Variants in RORA observed in about 807,000 individuals in gnomAD.
RORA encodes the protein RAR related orphan receptor A.
A neutral mutation model predicts 69.5 loss-of-function variants in RORA; 7 were observed. The observed-to-expected ratio is 0.10, with a 90% CI of 0.06 to 0.19. The LOEUF (loss-of-function observed/expected upper bound fraction) is 0.19. Ranked by LOEUF, RORA falls within the 10% of genes least tolerant of loss-of-function variation. The probability of loss-of-function intolerance (pLI) is 1.00; values close to 1 mark genes in which losing one functional copy is unlikely to be tolerated. For synonymous variants in RORA, 261 were observed against 240.8 expected (o/e 1.08, Z -0.78); for missense variants, 457 against 663.0 (o/e 0.69, Z 3.41).
intron 1 of RORA, among the ~76,000 whole-genome samples, chr15:60,972,725 T>C (rs752588026): frequency 3.3e-5 from 5 of 152,286 alleles, no homozygotes; most frequent in Non-Finnish European, 7.4e-5. Context: ...CTCAGTTTCA[T>C]CATCTATCAA....
intron 1 of RORA, among the ~76,000 whole-genome samples, chr15:61,082,843 T>C (rs948437896): frequency 1.4e-4 from 22 of 152,204 alleles, no homozygotes; most frequent in Admixed American, 3.9e-4. Flanking sequence ...ATACGAATAA[T>C]TGATTTGATC....
chr15:60,770,602 G>A (rs958342185), intron 1 of RORA, among the ~76,000 whole-genome samples: 5 of 152,214 alleles, frequency 3.3e-5, no homozygotes, highest in Middle Eastern at 3.4e-3. Context: ...GTGAGGTTTC[G>A]TGCTCCTTTA....
chr15:61,150,298 A>G (rs554031687), intron 1 of RORA, among the ~76,000 whole-genome samples: 2 of 152,358 alleles, frequency 1.3e-5, no homozygotes, highest in Admixed American at 1.3e-4. Context: ...GGGCTTATAA[A>G]GCTCTACATC....
rs1567051416 is a variant in RORA, at chr15:60,516,023, ATATATTTATATATATT to A, written c.283-1282_283-1267del. 1.3e-3 allele frequency among the ~76,000 whole-genome samples: 15 copies of A among 11,546 alleles called. 1 individual carries two copies. The highest frequency in any genetic ancestry group is 2.3e-3 in the Admixed American group (1 of 428). 7.6% of individuals were successfully genotyped at this position (11,546 alleles called of 152,430 possible). A position where few individuals can be genotyped will look rare whatever the true frequency, so the allele number is the denominator to read the frequency against. On this transcript the variant is annotated intron_variant, in intron 3 of 10. Transcript: ENST00000335670. ...TATTTATATATATTTATATATATTT[ATATATTTATATATATT>A]TATATATTTATATATATTTATATAT...
intron 1 of RORA, among the ~76,000 whole-genome samples, chr15:61,058,493 G>C (rs901299933): frequency 3.3e-5 from 5 of 152,170 alleles, no homozygotes; most frequent in Non-Finnish European, 7.3e-5. Flanking sequence ...CCAAGTAGGA[G>C]GTATTAAGGC....
At chr15:60,604,003 T>A (rs1251094541) in intron 2 of RORA, among the ~76,000 whole-genome samples, 1 of 151,728 alleles carries the variant, frequency 6.6e-6, no homozygotes, top group Non-Finnish European at 1.5e-5. Flanking sequence ...CCGGGCATGG[T>A]GGTGCGTGCC....
chr15:60,557,202 T>A (rs1194543981), intron 2 of RORA, among the ~76,000 whole-genome samples: 1 of 152,252 alleles, frequency 6.6e-6, no homozygotes, highest in African/African-American at 2.4e-5. Context: ...AAGGCTGAAC[T>A]TCAAGTTGCT....
chr15:60,994,532 G>T (rs7167586), intron 1 of RORA, among the ~76,000 whole-genome samples: 65,001 of 152,024 alleles, frequency 0.43, 15,419 homozygotes, highest in African/African-American at 0.63. Context: ...CTGGCTTCCT[G>T]TTGCCATCTC....
intron 2 of RORA, among the ~76,000 whole-genome samples, chr15:60,648,380 A>G (rs2070090246): frequency 6.6e-6 from 1 of 152,258 alleles, no homozygotes; most frequent in African/African-American, 2.4e-5. Context: ...AATAATTCTG[A>G]AGATTTTAAC....
intron 1 of RORA, among the ~76,000 whole-genome samples, chr15:61,079,463 TC>T (rs1375106615): frequency 6.6e-6 from 1 of 152,184 alleles, no homozygotes; most frequent in Non-Finnish European, 1.5e-5. Context: ...TCTTAACCAG[TC>T]ACAGTCCCAC....
intron 2 of RORA, among the ~76,000 whole-genome samples, chr15:60,628,856 T>C (rs2069659606): frequency 6.6e-6 from 1 of 152,174 alleles, no homozygotes; most frequent in South Asian, 2.1e-4. Context: ...GCTCAAGAGA[T>C]GAATTAATCA....
chr15:61,194,710 G>A (rs550888269), intron 1 of RORA, among the ~76,000 whole-genome samples: 4 of 152,092 alleles, frequency 2.6e-5, no homozygotes, highest in African/African-American at 9.7e-5. Flanking sequence ...AGGGCTTCCT[G>A]AACCTTATTT....
intron 1 of RORA, among the ~76,000 whole-genome samples, chr15:60,822,142 A>C (rs754588152): frequency 2.3e-4 from 35 of 152,218 alleles, no homozygotes; most frequent in Non-Finnish European, 4.0e-4. Context: ...TATTTTATCA[A>C]AGGGAAAATT....
At chr15:60,926,888 A>T (rs907015956) in intron 1 of RORA, among the ~76,000 whole-genome samples, 11 of 152,216 alleles carry the variant, frequency 7.2e-5, no homozygotes, top group African/African-American at 2.7e-4. Context: ...GACTGTACAG[A>T]GAGAGATGAC....
rs2065082427 is a variant in RORA, at chr15:60,493,309, C to A, written c.*4146G>T. ...AAACAAAAGGCAAAACAAAAAAAAC[C>A]AAAAAACAAAAAAACCCCAAAAAAC... On this transcript the variant is annotated 3_prime_UTR_variant, in exon 11 of 11. Coordinates refer to ENST00000335670, the MANE Select transcript of RORA (RefSeq NM_134261.3). The A allele has an allele frequency of 6.6e-6, 1 of 151,694 alleles. No individual in the cohort carries two copies. Among genetic ancestry groups the A allele is most frequent in the South Asian group, 2.1e-4 (1 of 4,814 alleles). 9.4% of individuals were successfully genotyped at this position (151,694 alleles called of 1,614,324 possible).
chr15:60,844,523 C>A (rs924987768), intron 1 of RORA, among the ~76,000 whole-genome samples: 1 of 152,148 alleles, frequency 6.6e-6, no homozygotes, highest in Non-Finnish European at 1.5e-5. Context: ...CAAGCCTCCA[C>A]GCATGTCGAA....
At chr15:61,063,143 A>T (rs2078210284) in intron 1 of RORA, among the ~76,000 whole-genome samples, 2 of 152,192 alleles carry the variant, frequency 1.3e-5, no homozygotes, top group Admixed American at 1.3e-4. Flanking sequence ...ACGCCACTTA[A>T]TGGCACCACC....
chr15:60,988,758 G>C (rs1894284895), intron 1 of RORA, among the ~76,000 whole-genome samples: 1 of 152,118 alleles, frequency 6.6e-6, no homozygotes, highest in Non-Finnish European at 1.5e-5. Context: ...CAGTTTAACA[G>C]ACACTAACAT....
chr15:60,688,269 AT>A (rs1476177213), intron 1 of RORA, among the ~76,000 whole-genome samples: 3 of 152,190 alleles, frequency 2.0e-5, no homozygotes, highest in Admixed American at 6.5e-5. Flanking sequence ...GGAAAAAAAA[AT>A]GTATAGAAAA....
Sources: gnomAD v4.1 joint callset for allele counts (sites outside exome capture counted in the v4.1 genomes callset) on GRCh38, gnomAD v4.1.1 for gene constraint, MANE v1.5 for transcripts, NCBI Gene and HGNC (gene_info 2026-07-23, HGNC 2026-07-21) for gene names.